AANAT: variants seen among roughly 807,000 people sequenced by gnomAD.
AANAT encodes serotonin N-acetyltransferase.
A neutral mutation model predicts 15.6 loss-of-function variants in AANAT; 11 were observed. That is an observed-to-expected ratio of 0.71 (90% CI 0.44 to 1.17). The LOEUF is 1.17. Ranked by LOEUF, AANAT falls within the 50% of genes most tolerant of loss-of-function variation. The pLI, the probability that AANAT is intolerant of heterozygous loss-of-function variation, is 0.00. For missense variants in AANAT, 286 were observed against 296.3 expected, an observed-to-expected ratio of 0.97 and a Z score of 0.26; for synonymous variants, 139 against 131.5, an observed-to-expected ratio of 1.06 and a Z score of -0.39.
rs1220562800 is a variant in AANAT at position 76,469,225 on chromosome 17, C to T, written c.216C>T (p.His72=). The change falls in exon 3 of 4, where the codon CAC becomes CAT. Residue 72 remains histidine (H), a synonymous_variant. Coordinates refer to ENST00000392492, the MANE Select transcript of AANAT (RefSeq NM_001088.3). The surrounding 1 kb of genome is among the most constrained non-coding windows in gnomAD (Gnocchi z 5.2). ...CCCTGTACCTGGATGAGATCCGGCA[C>T]TTCCTGACCCTATGTCCAGAGCTGT... ...VCPLYLDEIR[H]FLTLCPELSL... 1.2e-6 allele frequency: 2 copies of T among 1,614,080 alleles called. No individual in the cohort carries two copies. Among genetic ancestry groups the T allele is most frequent in the African/African-American group, 2.7e-5 (2 of 74,938 alleles).
chr17:76,460,928 G>T (rs978859919), intron 2 of AANAT, among the ~76,000 whole-genome samples: 2 of 152,142 alleles, frequency 1.3e-5, no homozygotes, highest in African/African-American at 2.4e-5. Context: ...AATTTGGGAG[G>T]CTGAGGGGGG....
chr17:76,466,068 A>G, upstream of AANAT: 1 of 1,000,232 alleles, frequency 1.0e-6, no homozygotes, highest in Non-Finnish European at 1.5e-6. Flanking sequence ...TTGTCCGGAA[A>G]GAACAGGGCC....
At chr17:76,468,634 T>C in intron 1 of AANAT, 38 bp from the exon 2 acceptor site, 1 of 1,498,196 alleles carries the variant, frequency 6.7e-7, no homozygotes, top group Non-Finnish European at 8.9e-7. Context: ...TCCCTGGAGA[T>C]GAGGATGAGA....
intron 2 of AANAT, among the ~76,000 whole-genome samples, chr17:76,460,990 C>G (rs1410858226): frequency 6.6e-6 from 1 of 151,806 alleles, no homozygotes; most frequent in Non-Finnish European, 1.5e-5. Flanking sequence ...CATGGTGAAA[C>G]CCCGTCTCTA....
Position 76,468,771 on chromosome 17 carries a change from C to T in AANAT, c.25C>T (p.Leu9=), listed in dbSNP as rs2073470362. Residue 9 remains leucine, a synonymous_variant, in exon 2 of 4, where the codon CTG becomes TTG. Coordinates refer to ENST00000392492, the MANE Select transcript of AANAT (RefSeq NM_001088.3). MSTQSTHP[L]KPEAPRLPPG... Reference sequence around the variant, plus strand: ...AATGTCCACGCAGAGCACCCACCCCCTGAAACCTGAGGCCCCACGTCTGCC... The same window carrying T: ...AATGTCCACGCAGAGCACCCACCCCTTGAAACCTGAGGCCCCACGTCTGCC... The T allele has an allele frequency of 8.1e-6, 13 of 1,613,046 alleles. No individual in the cohort carries two copies. The highest frequency in any genetic ancestry group is 1.6e-4 in the Middle Eastern group (1 of 6,084).
intron 1 of AANAT, among the ~76,000 whole-genome samples, chr17:76,455,446 A>G (rs2073334981): frequency 6.6e-6 from 1 of 152,038 alleles, no homozygotes; most frequent in African/African-American, 2.4e-5. Context: ...GTGAGACTCT[A>G]TCTCAAAAGA....
At chr17:76,456,454 AC>A (rs2073344589) in intron 1 of AANAT, among the ~76,000 whole-genome samples, 1 of 152,078 alleles carries the variant, frequency 6.6e-6, no homozygotes, top group Non-Finnish European at 1.5e-5. Flanking sequence ...TTGTCAATGG[AC>A]CCAAATCTTA....
In AANAT at chr17:76,467,630, C is replaced by G. The variant is rs1160505677; in HGVS notation, c.-173C>G. The G allele has an allele frequency of 1.0e-6, 1 of 985,428 alleles. No homozygotes were observed. The highest frequency in any genetic ancestry group is 1.2e-6 in the Non-Finnish European group (1 of 830,024). The allele number at this position is 985,428 out of a possible 1,614,324, so 61.0% of individuals were successfully genotyped here. A position where few individuals can be genotyped will look rare whatever the true frequency, so the allele number is the denominator to read the frequency against. ...ACATCTGCTACTACAGCCTTGCAGC[C>G]CGGAGTCCCGGATTTTACTGGTTCC... On this transcript the variant is annotated 5_prime_UTR_variant, in exon 1 of 4. Coordinates refer to ENST00000392492, the MANE Select transcript of AANAT (RefSeq NM_001088.3).
At position 76,469,623 on chromosome 17, in the gene AANAT, C is replaced by A; in HGVS notation, c.319-42C>A. ...TTGGTGGTTGGGGGGGAGCACGTGT[C>A]AGCAGAAGTGACCTGGGATCTCATC... is the stretch of plus-strand genomic sequence containing the variant. On this transcript the variant is annotated intron_variant, in intron 3 of 3. Coordinates refer to ENST00000392492, the MANE Select transcript of AANAT (RefSeq NM_001088.3). The surrounding 1 kb of genome is among the most constrained non-coding windows in gnomAD (Gnocchi z 5.2). 7.0e-7 allele frequency: 1 copy of A among 1,433,738 alleles called. No individual in the cohort carries two copies. Among genetic ancestry groups the A allele is most frequent in the South Asian group, 1.5e-5 (1 of 67,764 alleles). The allele number at this position is 1,433,738 out of a possible 1,614,324, so 88.8% of individuals were successfully genotyped here.
intron 2 of AANAT, among the ~76,000 whole-genome samples, chr17:76,461,385 C>T (rs932211076): frequency 2.1e-4 from 32 of 151,568 alleles, no homozygotes; most frequent in Admixed American, 5.3e-4. Flanking sequence ...GATGCCTCCC[C>T]CAACCACTGA....
In AANAT at chr17:76,461,768, G is replaced by C. The variant is rs2073391330; in HGVS notation, c.-455-548G>C. Among the ~76,000 whole-genome samples the C allele has an allele frequency of 2.0e-5, 3 of 152,122 alleles. No homozygotes were observed. In the South Asian group the frequency reaches 6.2e-4, roughly 32 times the overall value. The stretch of plus-strand genomic sequence containing the variant: ...GATGGCTGTTGGGGCAGTCAGTGCA[G>C]AGGAGAAAGGCAGTCAGAGGCTGGG... On this transcript the variant is annotated intron_variant, in intron 2 of 6. Transcript: ENST00000250615.
upstream of AANAT, chr17:76,467,522 C>T: frequency 6.1e-6 from 6 of 985,352 alleles, no homozygotes; most frequent in Non-Finnish European, 7.2e-6. Context: ...CAGAGCCCTG[C>T]TGGCGTCATC....
upstream of AANAT, among the ~76,000 whole-genome samples, chr17:76,466,834 C>T (rs927321360): frequency 1.3e-5 from 2 of 151,998 alleles, no homozygotes; most frequent in African/African-American, 4.8e-5. Flanking sequence ...ACAGGAAGGA[C>T]CCTCAGAGGT....
upstream of AANAT, chr17:76,466,047 C>G (rs2073434451): frequency 1.3e-6 from 1 of 794,200 alleles, no homozygotes; most frequent in Non-Finnish European, 2.1e-6. Flanking sequence ...AGGTTCTAGA[C>G]CTCTAGGGTG....
intron 1 of AANAT, among the ~76,000 whole-genome samples, chr17:76,454,690 G>A (rs1349752262): frequency 6.6e-6 from 1 of 151,572 alleles, no homozygotes; most frequent in Non-Finnish European, 1.5e-5. Context: ...GGGCGTGGTG[G>A]TGTGCACCTG....
chr17:76,466,265 C>T, upstream of AANAT: 1 of 1,509,934 alleles, frequency 6.6e-7, no homozygotes, highest in Non-Finnish European at 8.8e-7. Flanking sequence ...TTGGACATGA[C>T]CACCCCACCA....
At chr17:76,460,131 T>A (rs1336888628) in intron 2 of AANAT, among the ~76,000 whole-genome samples, 1 of 14,020 alleles carries the variant, frequency 7.1e-5, no homozygotes, top group African/African-American at 3.3e-4. Flanking sequence ...CTTCAGGAAA[T>A]TTTTTTTTTT....
chr17:76,457,690 G>T (rs572109060), intron 1 of AANAT, among the ~76,000 whole-genome samples: 1 of 152,326 alleles, frequency 6.6e-6, no homozygotes, highest in Non-Finnish European at 1.5e-5. Flanking sequence ...GTATTTGTGT[G>T]TGTAACCCTG....
At chr17:76,455,874 G>A (rs2073338469) in intron 1 of AANAT, among the ~76,000 whole-genome samples, 6 of 152,024 alleles carry the variant, frequency 3.9e-5, no homozygotes, top group Admixed American at 3.3e-4. Context: ...TTAGCCAGGT[G>A]TAGTGGCGCA....
Sources: allele counts gnomAD v4.1 joint callset (sites outside exome capture counted in the v4.1 genomes callset), GRCh38; gene constraint gnomAD v4.1.1; non-coding constraint Gnocchi (gnomAD v3.1); transcripts MANE v1.5; gene names NCBI Gene and HGNC (gene_info 2026-07-23, HGNC 2026-07-21).